Variants in SAMD12 observed in about 807,000 individuals in gnomAD.
The protein encoded by SAMD12 is sterile alpha motif domain containing 12, also known as sterile alpha motif domain-containing protein 12.
Under a neutral mutation model 15.0 loss-of-function variants are expected in SAMD12, and 9 were observed. The observed-to-expected ratio is 0.60, with a 90% CI of 0.36 to 1.05. The LOEUF (loss-of-function observed/expected upper bound fraction) is 1.05, where lower values mean the gene tolerates loss of function less well. SAMD12 is among the 50% of genes least tolerant of loss of function. SAMD12 has a pLI of 0.01. For missense variants in SAMD12, 230 were observed against 234.2 expected, an observed-to-expected ratio of 0.98 and a Z score of 0.12; for synonymous variants, 86 against 90.1, an observed-to-expected ratio of 0.96 and a Z score of 0.25.
chr8:118,459,558 T>C (rs974730512), intron 2 of SAMD12, among the ~76,000 whole-genome samples: 1 of 152,176 alleles, frequency 6.6e-6, no homozygotes, highest in African/African-American at 2.4e-5. Context: ...CATCTTATAA[T>C]TCAAATGATT....
chr8:118,387,987 G>C (rs1794872797), intron 3 of SAMD12, among the ~76,000 whole-genome samples: 3 of 152,168 alleles, frequency 2.0e-5, no homozygotes, highest in Non-Finnish European at 4.4e-5. Flanking sequence ...CTGGAAACTA[G>C]TAGACAAGGA....
chr8:118,363,579 T>C (rs1030795052), intron 4 of SAMD12, among the ~76,000 whole-genome samples: 2 of 152,194 alleles, frequency 1.3e-5, no homozygotes, highest in African/African-American at 4.8e-5. Flanking sequence ...TCTGCTCTCC[T>C]GGTCCTCAAG....
At chr8:118,586,171 T>C (rs1216455108) in intron 1 of SAMD12, among the ~76,000 whole-genome samples, 3 of 152,200 alleles carry the variant, frequency 2.0e-5, no homozygotes, top group African/African-American at 7.2e-5. Context: ...GTTGTGCTTC[T>C]CTACCTTGAC....
At chr8:118,616,419 A>T (rs1828241076) in intron 1 of SAMD12, among the ~76,000 whole-genome samples, 1 of 152,246 alleles carries the variant, frequency 6.6e-6, no homozygotes, top group Admixed American at 6.5e-5. Flanking sequence ...TACATTCATA[A>T]TGATGTTCCC....
At chr8:118,550,204 G>T (rs183039071) in intron 2 of SAMD12, among the ~76,000 whole-genome samples, 1,626 of 152,208 alleles carry the variant, frequency 0.011, 35 homozygotes, top group African/African-American at 0.037. Flanking sequence ...CTTGAGAAGA[G>T]CAACTCCAAG....
the SAMD12 span, among the ~76,000 whole-genome samples, chr8:118,179,500 G>T: frequency 1.6e-4 from 25 of 151,768 alleles, no homozygotes; most frequent in Admixed American, 9.2e-4. Context: ...TAATGTGGTT[G>T]GCCAGGTACG....
chr8:118,242,444 A>T (rs1294097867), intron 4 of SAMD12, among the ~76,000 whole-genome samples: 1 of 152,168 alleles, frequency 6.6e-6, no homozygotes, highest in African/African-American at 2.4e-5. Flanking sequence ...GTACAGTAAA[A>T]TAAGATATTT....
At chr8:118,437,710 A>G (rs1822615874) in intron 3 of SAMD12, among the ~76,000 whole-genome samples, 1 of 152,122 alleles carries the variant, frequency 6.6e-6, no homozygotes, top group African/African-American at 2.4e-5. Context: ...TCTGCCACCA[A>G]AAGCATACGA....
intron 4 of SAMD12, among the ~76,000 whole-genome samples, chr8:118,267,066 T>C (rs1813220886): frequency 6.6e-6 from 1 of 152,240 alleles, no homozygotes; most frequent in East Asian, 1.9e-4. Flanking sequence ...TATATATATA[T>C]ATCAAAATAT....
At position 118,525,941 on chromosome 8, in the gene SAMD12, G is replaced by T. The variant is rs546159856; in HGVS notation, c.192+54774C>A. Among the ~76,000 whole-genome samples the T allele has an allele frequency of 3.2e-4, 49 of 152,292 alleles. No individual in the cohort carries two copies. In the South Asian group the frequency reaches 8.9e-3, roughly 28 times the overall value. ...GTCACCCAGCTTTGTTGACATCAGT[G>T]AAAGTTCATAAATTAGAAGTTTATA... is the stretch of plus-strand genomic sequence containing the variant. On this transcript the variant is annotated intron_variant, in intron 2 of 3. Transcript: ENST00000314727.
intron 2 of SAMD12, among the ~76,000 whole-genome samples, chr8:118,553,926 G>C (rs1032101513): frequency 6.6e-6 from 1 of 151,622 alleles, no homozygotes; most frequent in African/African-American, 2.4e-5. Context: ...AAAAACACAT[G>C]AAAAAATGCT....
chr8:118,333,946 GT>G, intron 4 of SAMD12, among the ~76,000 whole-genome samples: 1 of 145,000 alleles, frequency 6.9e-6, no homozygotes, highest in Admixed American at 6.9e-5. Context: ...GTGTGTGTGT[GT>G]GCACATTGGC....
the SAMD12 span, among the ~76,000 whole-genome samples, chr8:118,156,995 C>T: frequency 1.3e-5 from 2 of 152,130 alleles, no homozygotes; most frequent in South Asian, 2.1e-4. Context: ...AGAGGAAAAA[C>T]ACAGGCAATA....
At chr8:118,435,372 C>T (rs536227648) in intron 3 of SAMD12, among the ~76,000 whole-genome samples, 47 of 152,194 alleles carry the variant, frequency 3.1e-4, no homozygotes, top group Admixed American at 5.9e-4. Context: ...TAAACTTTAT[C>T]ATAGGTATGT....
intron 4 of SAMD12, among the ~76,000 whole-genome samples, chr8:118,309,276 A>G (rs1815506772): frequency 6.6e-6 from 1 of 152,146 alleles, no homozygotes; most frequent in South Asian, 2.1e-4. Context: ...CTTCACTTAG[A>G]ATAATGGTCT....
chr8:118,621,399 C>T (rs1202273807), intron 1 of SAMD12: 2 of 277,672 alleles, frequency 7.2e-6, no homozygotes, highest in Admixed American at 9.4e-5. Context: ...GGGGACCTCT[C>T]CCACGTGAGG....
intron 1 of SAMD12, chr8:118,621,600 C>T (rs1156870666): frequency 3.2e-6 from 2 of 623,700 alleles, no homozygotes; most frequent in East Asian, 2.7e-5. Context: ...CGCACCTACC[C>T]TTCACGTCTC....
chr8:118,289,195 A>G (rs919222212), intron 4 of SAMD12, among the ~76,000 whole-genome samples: 5 of 152,182 alleles, frequency 3.3e-5, no homozygotes, highest in Admixed American at 2.6e-4. Context: ...GTCAAACCCC[A>G]TCAGACTTCT....
chr8:118,424,065 T>C (rs1255710963), intron 3 of SAMD12, among the ~76,000 whole-genome samples: 1 of 152,172 alleles, frequency 6.6e-6, no homozygotes, highest in Non-Finnish European at 1.5e-5. Context: ...ATAATCATTA[T>C]TACTAAAAAA....
Sources: allele counts gnomAD v4.1 joint callset (sites outside exome capture counted in the v4.1 genomes callset), GRCh38; gene constraint gnomAD v4.1.1; transcripts MANE v1.5; gene names NCBI Gene and HGNC (gene_info 2026-07-23, HGNC 2026-07-21).